Variants in DNAH1 observed in about 807,000 individuals in gnomAD.
The protein encoded by DNAH1 is axonemal beta dynein heavy chain 1.
In DNAH1, 327 loss-of-function variants were observed where a neutral mutation model predicts 484.3. The ratio of observed to expected loss-of-function variants is 0.68; its 90% CI spans 0.62 to 0.74. DNAH1 has a LOEUF of 0.74. Among genes scored for constraint, DNAH1 ranks in the 30% least tolerant of loss-of-function variants. The pLI, the probability that DNAH1 is intolerant of heterozygous loss-of-function variation, is 0.00. For synonymous variants in DNAH1, 2,192 were observed against 2,191.9 expected, an observed-to-expected ratio of 1.00 and a Z score of 0.00; for missense variants, 5,052 against 5,546.8, an observed-to-expected ratio of 0.91 and a Z score of 2.83.
At chr3:52,330,030 G>A (rs1050941181) in intron 6 of DNAH1, among the ~76,000 whole-genome samples, 2 of 152,026 alleles carry the variant, frequency 1.3e-5, no homozygotes, top group Non-Finnish European at 1.5e-5. Context: ...AGGTGGTCTC[G>A]AACTCCTGAG....
chr3:52,359,522 C>A, intron 26 of DNAH1, 136 bp downstream of exon 26: 2 of 1,241,050 alleles, frequency 1.6e-6, no homozygotes, highest in Non-Finnish European at 1.1e-6. Flanking sequence ...AGGTCAGACA[C>A]CCTTGAAGTG....
Position 52,350,461 on chromosome 3 carries a change from C to T in DNAH1, c.2647-47C>T, listed in dbSNP as rs779519082. 5 of 1,576,874 alleles carry T rather than the reference C, an allele frequency of 3.2e-6. No individual in the cohort carries two copies. The South Asian group carries it at 5.6e-5, about 18-fold the overall frequency. ...GGGGAGCCAGGTTCCGATTACCCAC[C>T]ACCTCCCTGGCACACGTGAAGTTCT... On this transcript the variant is annotated intron_variant, in intron 15 of 77. Transcript: ENST00000420323.
chr3:52,395,016 A>G lies in DNAH1; in HGVS notation c.10925A>G (p.Asp3642Gly). 1 of 1,611,456 alleles carries G rather than the reference A, an allele frequency of 6.2e-7. No individual in the cohort carries two copies. Among genetic ancestry groups the G allele is most frequent in the Non-Finnish European group, 8.5e-7 (1 of 1,178,848 alleles). Residue 3642 changes from aspartate to glycine, a missense_variant, in exon 68 of 78, where the codon GAC becomes GGC. By Grantham distance (94) the Asp-to-Gly change is moderately conservative. Coordinates refer to ENST00000420323, the MANE Select transcript of DNAH1 (RefSeq NM_015512.5). The surrounding 1 kb of genome is among the most constrained non-coding windows in gnomAD (Gnocchi z 4.4). ...RGDKVTNAMQ[D>G]FVATNLEPRF... ...GACAAGGTTACCAACGCCATGCAGG[A>G]CTTTGTGGCCACCAACCTGGAGCCA... is the stretch of plus-strand genomic sequence containing the variant.
rs1296237036 is a variant in DNAH1 at position 52,361,712 on chromosome 3, G to A, written c.4926G>A (p.Val1642=). 6 of 1,611,660 alleles carry A rather than the reference G, an allele frequency of 3.7e-6. No individual in the cohort carries two copies. Among genetic ancestry groups the A allele is most frequent in the Non-Finnish European group, 4.2e-6 (5 of 1,179,040 alleles). Residue 1642 remains valine (V), a synonymous_variant, in exon 30 of 78, where the codon GTG becomes GTA. Transcript: ENST00000420323. This position sits in a 1 kb window ranked among gnomAD's most constrained non-coding sequence, Gnocchi z 5.6. ...AGTTCAATCGCATCGACATCGAGGT[G>A]CTGTCTGTGGTGGCGCAGCAGATCA... is the stretch of plus-strand genomic sequence containing the variant. The part of the protein sequence containing the change: ...FDEFNRIDIE[V]LSVVAQQITT...
In DNAH1 at chr3:52,398,984, G is replaced by A; in HGVS notation, c.12224G>A (p.Trp4075Ter). ...TACAACAATACTGTGCCTGAGCTCT[G>A]GAGTGCCAAGGCCTACCCATCGCTC... ...SLYNNTVPEL[W>*]SAKAYPSLKP... Residue 4075 changes from tryptophan (W) to a stop codon, truncating the protein, a stop_gained, in exon 76 of 78, where the codon TGG becomes TAG. Transcript: ENST00000420323. LOFTEE classifies it high-confidence loss of function. 2 of 1,613,972 alleles carry A rather than the reference G, an allele frequency of 1.2e-6. No homozygotes were observed. Among genetic ancestry groups the A allele is most frequent in the South Asian group, 2.2e-5 (2 of 91,082 alleles).
At chr3:52,370,410 G>A in intron 39 of DNAH1, 67 bp from the exon 40 acceptor site, 2 of 1,604,382 alleles carry the variant, frequency 1.2e-6, no homozygotes, top group Non-Finnish European at 1.7e-6. Flanking sequence ...ACATGCCCCT[G>A]CCCCACTTCC....
intron 8 of DNAH1, among the ~76,000 whole-genome samples, chr3:52,341,295 T>C (rs984768825): frequency 6.6e-6 from 1 of 152,164 alleles, no homozygotes; most frequent in Non-Finnish European, 1.5e-5. Flanking sequence ...TTGTCTTAGA[T>C]TGGGTTCCGT....
chr3:52,351,858 C>A, intron 16 of DNAH1, 104 bp from the exon 17 acceptor site: 1 of 1,393,318 alleles, frequency 7.2e-7, no homozygotes, highest in Non-Finnish European at 9.8e-7. Context: ...TGAACCCCTT[C>A]TCACTGGCTG....
chr3:52,364,058 C>A lies in DNAH1; in HGVS notation c.5245-580C>A, dbSNP rs571030439. The stretch of plus-strand genomic sequence containing the variant: ...CAAAGTCAAGCCCAGCCTCTTCATG[C>A]AGCTCCAAGTCCGAGATTTCTGGAA... On this transcript the variant is annotated intron_variant, in intron 32 of 77. Transcript: ENST00000420323. The surrounding 1 kb of genome is among the most constrained non-coding windows in gnomAD (Gnocchi z 4.2). 6.6e-6 allele frequency among the ~76,000 whole-genome samples: 1 copy of A among 152,238 alleles called. No homozygotes were observed. Among genetic ancestry groups the A allele is most frequent in the African/African-American group, 2.4e-5 (1 of 41,458 alleles).
rs545683519 is a variant in DNAH1 at position 52,380,010 on chromosome 3, C to G, written c.7483C>G (p.Arg2495Gly). 1 of 1,593,636 alleles carries G rather than the reference C, an allele frequency of 6.3e-7. No individual in the cohort carries two copies. Among genetic ancestry groups the G allele is most frequent in the Non-Finnish European group, 8.5e-7 (1 of 1,170,320 alleles). The change falls in exon 48 of 78, where the codon CGC (arginine) becomes GGC (glycine). Residue 2495 changes from arginine to glycine, a missense_variant. Arg to Gly is a moderately radical substitution (Grantham distance 125, BLOSUM62 -2). This residue lies in a region of DNAH1 where 2,929 missense variants were observed against 3,409.4 expected (regional missense o/e 0.86). Transcript: ENST00000420323. ...CAGCTGGTTCGACCAGCTCCTCAAGCGCTGCATGGAGCAGTGGGAGGTGAC... is the reference window on the plus strand; with the variant it reads ...CAGCTGGTTCGACCAGCTCCTCAAGGGCTGCATGGAGCAGTGGGAGGTGAC... ...DRSWFDQLLK[R>G]CMEQWEVTFN...
At chr3:52,315,971 A>AGATGAGGGGCATCAGAGGGTGGGCG (rs1700935999), upstream of DNAH1, among the ~76,000 whole-genome samples, 2 of 152,138 alleles carry the variant, frequency 1.3e-5, no homozygotes, top group African/African-American at 4.8e-5. Context: ...TAAAAGCAGC[A>AGATGAGGGGCATCAGAGGGTGGGCG]CCCCCGACCC....
intron 8 of DNAH1, among the ~76,000 whole-genome samples, chr3:52,343,919 C>T (rs979091808): frequency 6.6e-6 from 1 of 151,936 alleles, no homozygotes; most frequent in Non-Finnish European, 1.5e-5. Context: ...TATGTGAGGA[C>T]GGGGGAGATG....
chr3:52,350,511 C>A lies in DNAH1; in HGVS notation c.2650C>A (p.Arg884=). 1 of 1,613,802 alleles carries A rather than the reference C, an allele frequency of 6.2e-7. No individual in the cohort carries two copies. Among genetic ancestry groups the A allele is most frequent in the Non-Finnish European group, 8.5e-7 (1 of 1,179,780 alleles). Residue 884 remains arginine, a synonymous_variant, in exon 16 of 78, where the codon CGG becomes AGG. Coordinates refer to ENST00000420323, the MANE Select transcript of DNAH1 (RefSeq NM_015512.5). ...TCATTACCACCTGTCTGTGCAGGAG[C>A]GGATTGTGAAGGTCATGGATGACTA... is the stretch of plus-strand genomic sequence containing the variant. ...IPERLVGLEE[R]IVKVMDDYQV...
In DNAH1 at chr3:52,319,555, C is replaced by T. The variant is rs188357661; in HGVS notation, c.-34-2854C>T. Among the ~76,000 whole-genome samples the T allele has an allele frequency of 3.3e-5, 5 of 152,396 alleles. 1 individual carries two copies. The East Asian group carries it at 9.6e-4, about 29-fold the overall frequency. On this transcript the variant is annotated intron_variant, in intron 1 of 77. Transcript: ENST00000420323. The stretch of plus-strand genomic sequence containing the variant: ...TGCCCACCAGGGCCACCCCTGCCAT[C>T]TCACTGGCCAGTTCCCTTCAACATA...
chr3:52,385,178 G>T (rs1386038212), intron 53 of DNAH1, among the ~76,000 whole-genome samples, 159 bp from the exon 54 acceptor site: 4 of 152,252 alleles, frequency 2.6e-5, no homozygotes, highest in Admixed American at 2.6e-4. Flanking sequence ...ACAGATATTT[G>T]GGGGACTGAT....
At chr3:52,385,065 C>T in intron 53 of DNAH1, 88 bp downstream of exon 53, 1 of 1,434,778 alleles carries the variant, frequency 7.0e-7, no homozygotes, top group East Asian at 2.4e-5. Flanking sequence ...ACACCATGCT[C>T]CGCCTTTCAA....
At position 52,362,479 on chromosome 3, in the gene DNAH1, C is replaced by T. The variant is rs145520654; in HGVS notation, c.5072C>T (p.Thr1691Met). 14 of 1,613,844 alleles carry T rather than the reference C, an allele frequency of 8.7e-6. No individual in the cohort carries two copies. The highest frequency in any genetic ancestry group is 4.0e-5 in the African/African-American group (3 of 75,044). ...ITMNPGYAGR[T>M]ELPDNLKALF... Reference sequence around the variant, plus strand: ...ATGAACCCGGGCTACGCTGGCCGCACGGAGCTGCCTGACAATCTGAAGGCA... The same window carrying T: ...ATGAACCCGGGCTACGCTGGCCGCATGGAGCTGCCTGACAATCTGAAGGCA... Residue 1691 changes from threonine (T) to methionine (M), a missense_variant, in exon 31 of 78, where the codon ACG becomes ATG. By Grantham distance (81) the Thr-to-Met change is moderately conservative (BLOSUM62 -1). This residue lies in a region of DNAH1 where 2,929 missense variants were observed against 3,409.4 expected (regional missense o/e 0.86). Coordinates refer to ENST00000420323, the MANE Select transcript of DNAH1 (RefSeq NM_015512.5). The surrounding 1 kb of genome is among the most constrained non-coding windows in gnomAD (Gnocchi z 5.1).
chr3:52,312,937 C>A (rs770329360), upstream of DNAH1, among the ~76,000 whole-genome samples: 1 of 152,172 alleles, frequency 6.6e-6, no homozygotes, highest in Non-Finnish European at 1.5e-5. Flanking sequence ...CAAGTGTGAG[C>A]CAGCATGCCC....
At chr3:52,347,209 A>G (rs1702179432) in intron 11 of DNAH1, among the ~76,000 whole-genome samples, 1 of 152,144 alleles carries the variant, frequency 6.6e-6, no homozygotes. Context: ...GAAACAAGTT[A>G]TGAGGCGATG....
Sources: gnomAD v4.1 joint callset for allele counts (sites outside exome capture counted in the v4.1 genomes callset) on GRCh38, gnomAD v4.1.1 for gene constraint, gnomAD v4.1.1 regional missense constraint, Gnocchi (gnomAD v3.1) non-coding constraint, MANE v1.5 for transcripts, NCBI Gene and HGNC (gene_info 2026-07-23, HGNC 2026-07-21) for gene names.